Variants in XRCC5 observed in about 807,000 individuals in gnomAD.
XRCC5 encodes X-ray repair cross complementing 5.
In XRCC5, 12 loss-of-function variants were observed where a neutral mutation model predicts 95.7. The ratio of observed to expected loss-of-function variants is 0.13; its 90% CI spans 0.08 to 0.20. The LOEUF is 0.20. Ranked by LOEUF, XRCC5 falls within the 10% of genes least tolerant of loss-of-function variation. The pLI, the probability that XRCC5 is intolerant of heterozygous loss-of-function variation, is 1.00. For synonymous variants in XRCC5, 281 were observed against 290.3 expected, an observed-to-expected ratio of 0.97 and a Z score of 0.33; for missense variants, 595 against 873.9, an observed-to-expected ratio of 0.68 and a Z score of 4.02.
chr2:216,204,502 T>A, intron 20 of XRCC5, 106 bp downstream of exon 20: 1 of 1,196,848 alleles, frequency 8.4e-7, no homozygotes, highest in Non-Finnish European at 1.2e-6. Context: ...ATTTGTGTTT[T>A]AATTTCCAAT....
intron 10 of XRCC5, among the ~76,000 whole-genome samples, chr2:216,134,889 T>C (rs1196935734): frequency 6.6e-6 from 1 of 152,238 alleles, no homozygotes; most frequent in Non-Finnish European, 1.5e-5. Context: ...TGTTTCATAT[T>C]TGCTACATAT....
At chr2:216,160,312 A>AC in intron 15 of XRCC5, 151 bp downstream of exon 15, 2 of 488,202 alleles carry the variant, frequency 4.1e-6, no homozygotes, top group Non-Finnish European at 7.2e-6. Context: ...AGCCAAAAAG[A>AC]CCCATTCCAT....
intron 19 of XRCC5, among the ~76,000 whole-genome samples, chr2:216,199,808 ATCTTTTTTTTTTTT>A (rs1689801643): frequency 8.2e-6 from 1 of 121,890 alleles, no homozygotes; most frequent in African/African-American, 3.2e-5. Flanking sequence ...TGGCATTGGG[ATCTTTTTTTTTTTT>A]TTTTTTTTTT....
At chr2:216,175,212 G>A (rs558699524) in intron 16 of XRCC5, 50 of 365,850 alleles carry the variant, frequency 1.4e-4, no homozygotes, top group Admixed American at 3.7e-4. Flanking sequence ...CACCATTGTT[G>A]CCCACCGTCA....
At chr2:216,116,361 C>T (rs528649068) in intron 2 of XRCC5, among the ~76,000 whole-genome samples, 5 of 152,182 alleles carry the variant, frequency 3.3e-5, no homozygotes, top group East Asian at 3.9e-4. Flanking sequence ...TTGGTTCTCT[C>T]ATTGAGAATT....
chr2:216,193,632 T>C (rs1689660499), intron 18 of XRCC5, among the ~76,000 whole-genome samples: 1 of 152,198 alleles, frequency 6.6e-6, no homozygotes, highest in Admixed American at 6.5e-5. Flanking sequence ...CTTACTCAAA[T>C]CACTTTTGTG....
rs756869825 is a variant in XRCC5 at position 216,204,426 on chromosome 2, C to G, written c.2184+30C>G. On this transcript the variant is annotated intron_variant, in intron 20 of 20. Coordinates refer to ENST00000392132, the MANE Select transcript of XRCC5 (RefSeq NM_021141.4). Reference sequence around the variant, plus strand: ...GTACTTTTAATATGCACCTGGTGTTCTATGATTGAAGTCACCTGAGCTGTA... The same window carrying G: ...GTACTTTTAATATGCACCTGGTGTTGTATGATTGAAGTCACCTGAGCTGTA... The G allele has an allele frequency of 8.1e-6, 13 of 1,611,646 alleles. No individual in the cohort carries two copies. In the South Asian group the frequency reaches 1.4e-4, roughly 18 times the overall value.
At chr2:216,123,460 T>G (rs1696850826) in intron 6 of XRCC5, among the ~76,000 whole-genome samples, 1 of 152,190 alleles carries the variant, frequency 6.6e-6, no homozygotes, top group Non-Finnish European at 1.5e-5. Flanking sequence ...TTGTTTCTCT[T>G]TCAAATTTTG....
Position 216,192,837 on chromosome 2 carries a change from T to A in XRCC5, c.2041+102T>A, listed in dbSNP as rs996091867. The A allele has an allele frequency of 5.0e-6, 4 of 798,114 alleles. No individual in the cohort carries two copies. The African/African-American group carries it at 5.4e-5, about 11-fold the overall frequency. 49.4% of individuals were successfully genotyped at this position (798,114 alleles called of 1,614,324 possible). On this transcript the variant is annotated intron_variant, in intron 18 of 20. Coordinates refer to ENST00000392132, the MANE Select transcript of XRCC5 (RefSeq NM_021141.4). ...AATTCTAAATATAAACTGTATTGTA[T>A]AATGAGTTATGTGGGAAACATGATG...
chr2:216,192,610 G>A (rs1399381340), intron 17 of XRCC5, 29 bp from the exon 18 acceptor site: 1 of 1,531,768 alleles, frequency 6.5e-7, no homozygotes, highest in South Asian at 1.3e-5. Context: ...CTGACTTGCT[G>A]CCTCCTCTAC....
At chr2:216,198,964 A>C (rs770635691) in intron 19 of XRCC5, among the ~76,000 whole-genome samples, 2 of 152,224 alleles carry the variant, frequency 1.3e-5, no homozygotes, top group African/African-American at 4.8e-5. Context: ...TTCTGGCTCA[A>C]GGAAGCTGAT....
At chr2:216,171,311 G>A (rs184700184) in intron 16 of XRCC5, among the ~76,000 whole-genome samples, 1 of 152,300 alleles carries the variant, frequency 6.6e-6, no homozygotes, top group East Asian at 1.9e-4. Flanking sequence ...AGATCCATGC[G>A]TGTCTACATA....
At chr2:216,150,756 G>A (rs981304183) in intron 14 of XRCC5, among the ~76,000 whole-genome samples, 1 of 152,132 alleles carries the variant, frequency 6.6e-6, no homozygotes, top group South Asian at 2.1e-4. Context: ...GGGCGTGGTG[G>A]TGTGTGCCTA....
At chr2:216,169,141 G>T (rs1194022847) in intron 16 of XRCC5, among the ~76,000 whole-genome samples, 1 of 152,224 alleles carries the variant, frequency 6.6e-6, no homozygotes, top group East Asian at 1.9e-4. Flanking sequence ...GGAGGGTTTG[G>T]GGTAAGAGCA....
At chr2:216,181,574 C>T (rs562717152) in intron 16 of XRCC5, among the ~76,000 whole-genome samples, 3 of 152,222 alleles carry the variant, frequency 2.0e-5, no homozygotes, top group Non-Finnish European at 4.4e-5. Flanking sequence ...CCAAATCCTA[C>T]TCTAAAGAGA....
chr2:216,154,809 C>A (rs1283252922), intron 14 of XRCC5, among the ~76,000 whole-genome samples: 1 of 152,148 alleles, frequency 6.6e-6, no homozygotes, highest in Admixed American at 6.5e-5. Context: ...AAAACGCTTG[C>A]TCTAATGGCC....
At chr2:216,204,207 T>G in intron 19 of XRCC5, 115 bp from the exon 20 acceptor site, 1 of 1,224,766 alleles carries the variant, frequency 8.2e-7, no homozygotes, top group Non-Finnish European at 1.2e-6. Context: ...CCGTTGGCAG[T>G]GAGACTGCTA....
At chr2:216,186,090 T>C (rs1689487274) in intron 16 of XRCC5, among the ~76,000 whole-genome samples, 1 of 152,234 alleles carries the variant, frequency 6.6e-6, no homozygotes. Context: ...TGAGGTGTCT[T>C]CACAGTCTTT....
At chr2:216,161,907 A>G (rs1345012326) in intron 15 of XRCC5, 72 bp from the exon 16 acceptor site, 5 of 1,273,092 alleles carry the variant, frequency 3.9e-6, no homozygotes, top group Middle Eastern at 1.9e-4. Context: ...ACATTAAGCC[A>G]TCTTGTATTG....
Sources: allele counts gnomAD v4.1 joint callset (sites outside exome capture counted in the v4.1 genomes callset), GRCh38; gene constraint gnomAD v4.1.1; transcripts MANE v1.5; gene names NCBI Gene and HGNC (gene_info 2026-07-23, HGNC 2026-07-21).